Variants in IGFBPL1 observed in about 807,000 individuals in gnomAD.
The protein encoded by IGFBPL1 is insulin-like growth factor-binding protein-like 1.
Under a neutral mutation model 23.9 loss-of-function variants are expected in IGFBPL1, and 20 were observed. That is an observed-to-expected ratio of 0.84 (90% CI 0.59 to 1.22). The LOEUF is 1.22. Among genes scored for constraint, IGFBPL1 ranks in the 50% most tolerant of loss-of-function variants. IGFBPL1 has a pLI of 0.00. For synonymous variants in IGFBPL1, 184 were observed against 171.8 expected, an observed-to-expected ratio of 1.07 and a Z score of -0.56; for missense variants, 436 against 379.3, an observed-to-expected ratio of 1.15 and a Z score of -1.24.
At chr9:38,417,518 A>G (rs1036522093) in intron 1 of IGFBPL1, among the ~76,000 whole-genome samples, 1 of 152,180 alleles carries the variant, frequency 6.6e-6, no homozygotes, top group Non-Finnish European at 1.5e-5. Context: ...TCCGATCCAG[A>G]ATAAGAGATG....
At chr9:38,419,640 T>C (rs1207884519) in intron 1 of IGFBPL1, among the ~76,000 whole-genome samples, 1 of 152,128 alleles carries the variant, frequency 6.6e-6, no homozygotes, top group African/African-American at 2.4e-5. Context: ...TTGCTGTCCG[T>C]AGGACCCCAA....
In IGFBPL1 at chr9:38,424,046, C is replaced by A. The variant is rs1215224965; in HGVS notation, c.379G>T (p.Ala127Ser). 2.9e-6 allele frequency: 4 copies of A among 1,400,650 alleles called. No individual in the cohort carries two copies. Among genetic ancestry groups the A allele is most frequent in the Non-Finnish European group, 3.7e-6 (4 of 1,085,504 alleles). The allele number at this position is 1,400,650 out of a possible 1,614,324, so 86.8% of individuals were successfully genotyped here. Residue 127 changes from alanine (A) to serine (S), a missense_variant, in exon 1 of 5, where the codon GCG becomes TCG. By Grantham distance (99) the Ala-to-Ser change is moderately conservative. Coordinates refer to ENST00000377694, the MANE Select transcript of IGFBPL1 (RefSeq NM_001007563.3). ...SDGRSYPSVC[A>S]LRLRARHTPR... Reference sequence around the variant, plus strand: ...GTGTGCCGAGCGCGCAGGCGCAGCGCGCAGACGCTGGGGTACGAGCGACCG... The same window carrying A: ...GTGTGCCGAGCGCGCAGGCGCAGCGAGCAGACGCTGGGGTACGAGCGACCG...
At chr9:38,410,310 G>A (rs375961608) in intron 4 of IGFBPL1, among the ~76,000 whole-genome samples, 416 of 151,674 alleles carry the variant, frequency 2.7e-3, no homozygotes, top group African/African-American at 8.3e-3. Flanking sequence ...GTGAAACCCC[G>A]TCTCTACTAA....
intron 4 of IGFBPL1, among the ~76,000 whole-genome samples, chr9:38,410,161 G>A (rs1227528228): frequency 2.6e-5 from 4 of 152,106 alleles, no homozygotes; most frequent in Non-Finnish European, 5.9e-5. Context: ...AATGGTGCCT[G>A]TTCACCACTG....
At chr9:38,420,750 T>C (rs1821667951) in intron 1 of IGFBPL1, among the ~76,000 whole-genome samples, 1 of 152,000 alleles carries the variant, frequency 6.6e-6, no homozygotes. Context: ...GGCAGGAGAA[T>C]GGCGTGAACC....
rs368632311 is a variant in IGFBPL1 at position 38,411,391 on chromosome 9, A to G, written c.*9T>C. 6.2e-7 allele frequency: 1 copy of G among 1,611,722 alleles called. No individual in the cohort carries two copies. The highest frequency in any genetic ancestry group is 8.5e-7 in the Non-Finnish European group (1 of 1,178,758). On this transcript the variant is annotated splice_region_variant and 3_prime_UTR_variant, in exon 4 of 5. Transcript: ENST00000377694. ...ACTGAAAATGACTTAGAACATGTAC[A>G]TTTCTCCATCACATGCGGTCATCGG...
Position 38,406,755 on chromosome 9 carries a change from T to C in IGFBPL1, c.*2472A>G, listed in dbSNP as rs917745073. 1.3e-5 allele frequency among the ~76,000 whole-genome samples: 2 copies of C among 151,128 alleles called. No homozygotes were observed. Among genetic ancestry groups the C allele is most frequent in the African/African-American group, 4.9e-5 (2 of 41,102 alleles). ...GGAACAATCATGTTAATGCGCCTTT[T>C]TGGTTTTGGTGAAAATTTCAGACAG... On this transcript the variant is annotated 3_prime_UTR_variant, in exon 5 of 5. Coordinates refer to ENST00000377694, the MANE Select transcript of IGFBPL1 (RefSeq NM_001007563.3).
rs1267913763 is a variant in IGFBPL1, at chr9:38,409,088, T to C, written c.*139A>G. 6.6e-6 allele frequency: 1 copy of C among 152,226 alleles called. No individual in the cohort carries two copies. Among genetic ancestry groups the C allele is most frequent in the African/African-American group, 2.4e-5 (1 of 41,452 alleles). The allele number at this position is 152,226 out of a possible 1,614,324, so 9.4% of individuals were successfully genotyped here. A position where few individuals can be genotyped will look rare whatever the true frequency, so the allele number is the denominator to read the frequency against. ...TAAAAACTACATCTGCATACAGATC[T>C]AGTTTGCATCTAATTTTTAAAAACA... On this transcript the variant is annotated 3_prime_UTR_variant, in exon 5 of 5. Coordinates refer to ENST00000377694, the MANE Select transcript of IGFBPL1 (RefSeq NM_001007563.3).
At position 38,424,129 on chromosome 9, in the gene IGFBPL1, G is replaced by C; in HGVS notation, c.296C>G (p.Ala99Gly). The C allele has an allele frequency of 7.9e-7, 1 of 1,258,088 alleles. No individual in the cohort carries two copies. Among genetic ancestry groups the C allele is most frequent in the African/African-American group, 1.6e-5 (1 of 63,736 alleles). 77.9% of individuals were successfully genotyped at this position (1,258,088 alleles called of 1,614,324 possible). Residue 99 changes from alanine (A) to glycine (G), a missense_variant, in exon 1 of 5, where the codon GCG becomes GGG. Ala to Gly is a moderately conservative substitution (Grantham distance 60). Transcript: ENST00000377694. ...CACGCAGAGCCCGGTGCCCTCGGGC[G>C]CTGCCCCAGCGGCCTGGCTCGCGCA... ...LVCASQAAGA[A>G]PEGTGLCVCA... is the part of the protein sequence containing the mutation.
At chr9:38,422,724 C>G (rs1821698920) in intron 1 of IGFBPL1, among the ~76,000 whole-genome samples, 1 of 152,236 alleles carries the variant, frequency 6.6e-6, no homozygotes, top group African/African-American at 2.4e-5. Context: ...CTTTCCTGTG[C>G]TCAACTGGCC....
chr9:38,416,094 T>C (rs1485170287), intron 1 of IGFBPL1, among the ~76,000 whole-genome samples: 4 of 152,118 alleles, frequency 2.6e-5, no homozygotes, highest in African/African-American at 9.7e-5. Context: ...TTTATTCACA[T>C]TGTCCCGCCA....
At position 38,424,251 on chromosome 9, in the gene IGFBPL1, C is replaced by T; in HGVS notation, c.174G>A (p.Ser58=). ...CGCAGCAGCCGCACTCGTCGAGCGCCGAGATCCCGGGCGCCGGGCAGGGCG... is the reference window on the plus strand; with the variant it reads ...CGCAGCAGCCGCACTCGTCGAGCGCTGAGATCCCGGGCGCCGGGCAGGGCG... ...APAPCPAPGI[S]ALDECGCCAR... The change falls in exon 1 of 5, where the codon TCG becomes TCA. Residue 58 remains serine (S), a synonymous_variant. Coordinates refer to ENST00000377694, the MANE Select transcript of IGFBPL1 (RefSeq NM_001007563.3). 8.2e-7 allele frequency: 1 copy of T among 1,220,150 alleles called. No individual in the cohort carries two copies. The highest frequency in any genetic ancestry group is 3.4e-5 in the South Asian group (1 of 29,592). 75.6% of individuals were successfully genotyped at this position (1,220,150 alleles called of 1,614,324 possible).
At chr9:38,421,003 T>C (rs891082910) in intron 1 of IGFBPL1, among the ~76,000 whole-genome samples, 7 of 151,862 alleles carry the variant, frequency 4.6e-5, no homozygotes, top group Non-Finnish European at 1.0e-4. Flanking sequence ...TGTAAAAAGA[T>C]GGGTGCAGCC....
chr9:38,411,744 C>T (rs979948328), intron 3 of IGFBPL1, among the ~76,000 whole-genome samples, 195 bp from the exon 4 acceptor site: 4 of 152,162 alleles, frequency 2.6e-5, no homozygotes, highest in Admixed American at 1.3e-4. Flanking sequence ...TTGAAAGGCA[C>T]GCTCCCTATT....
chr9:38,411,724 A>G (rs1821516335), intron 3 of IGFBPL1, among the ~76,000 whole-genome samples, 175 bp from the exon 4 acceptor site: 1 of 152,158 alleles, frequency 6.6e-6, no homozygotes, highest in Non-Finnish European at 1.5e-5. Context: ...TTTCCTTCCC[A>G]GGGACCCTCT....
At chr9:38,409,649 T>A (rs1821482447) in intron 4 of IGFBPL1, among the ~76,000 whole-genome samples, 1 of 152,252 alleles carries the variant, frequency 6.6e-6, no homozygotes. Context: ...AATATACGTG[T>A]ATTTGAAAAT....
In IGFBPL1 at chr9:38,408,395, T is replaced by G. The variant is rs1020937765; in HGVS notation, c.*832A>C. On this transcript the variant is annotated 3_prime_UTR_variant, in exon 5 of 5. Transcript: ENST00000377694. Reference sequence around the variant, plus strand: ...GTGAGCCATGATCACGCCACTGCACTCCAGCCTGGGTGATAGAGCGAGACC... The same window carrying G: ...GTGAGCCATGATCACGCCACTGCACGCCAGCCTGGGTGATAGAGCGAGACC... Among the ~76,000 whole-genome samples the G allele has an allele frequency of 6.6e-6, 1 of 151,262 alleles. No individual in the cohort carries two copies. The highest frequency in any genetic ancestry group is 2.4e-5 in the African/African-American group (1 of 41,092).
chr9:38,411,100 T>C (rs1821507791), intron 4 of IGFBPL1, among the ~76,000 whole-genome samples: 1 of 151,918 alleles, frequency 6.6e-6, no homozygotes, highest in Non-Finnish European at 1.5e-5. Context: ...TCTAGAAGAA[T>C]ACAGAGGAAA....
rs1821461764 is a variant in IGFBPL1, at chr9:38,408,339, G to C, written c.*888C>G. On this transcript the variant is annotated 3_prime_UTR_variant, in exon 5 of 5. Coordinates refer to ENST00000377694, the MANE Select transcript of IGFBPL1 (RefSeq NM_001007563.3). ...GCTACTCAGGAGGCTGAGGTGGAAC[G>C]ATCACTCGAGCCCAGAAAGTGGAGG... Among the ~76,000 whole-genome samples the C allele has an allele frequency of 6.6e-6, 1 of 151,494 alleles. No homozygotes were observed. The highest frequency in any genetic ancestry group is 2.4e-5 in the African/African-American group (1 of 41,216).
Sources: allele counts gnomAD v4.1 joint callset (sites outside exome capture counted in the v4.1 genomes callset), GRCh38; gene constraint gnomAD v4.1.1; transcripts MANE v1.5; gene names NCBI Gene and HGNC (gene_info 2026-07-23, HGNC 2026-07-21).